The following CCL17 variants were observed in gnomAD, a reference collection of about 807,000 sequenced individuals.
CCL17 encodes C-C motif chemokine ligand 17, also known as C-C motif chemokine 17.
Under a neutral mutation model 7.4 loss-of-function variants are expected in CCL17, and 8 were observed. The ratio of observed to expected loss-of-function variants is 1.09; its 90% CI spans 0.64 to 1.96. The LOEUF (loss-of-function observed/expected upper bound fraction) is 1.96, where lower values mean the gene tolerates loss of function less well. Ranked by LOEUF, CCL17 falls within the 30% of genes most tolerant of loss-of-function variation. The probability of loss-of-function intolerance (pLI) is 0.00; values close to 1 mark genes in which losing one functional copy is unlikely to be tolerated. For missense variants in CCL17, 102 were observed against 113.0 expected (o/e 0.90, Z 0.44); for synonymous variants, 40 against 46.1 (o/e 0.87, Z 0.54).
At chr16:57,410,207 T>C (rs1356233285) in intron 1 of CCL17, among the ~76,000 whole-genome samples, 1 of 152,126 alleles carries the variant, frequency 6.6e-6, no homozygotes, top group Non-Finnish European at 1.5e-5. Flanking sequence ...GAGCCTGGGG[T>C]TGGGGCAGGA....
chr16:57,415,713 CTG>C lies in CCL17; in HGVS notation c.189-51_189-50del. 1.6e-6 allele frequency: 2 copies of C among 1,230,034 alleles called. No homozygotes were observed. The highest frequency in any genetic ancestry group is 2.4e-5 in the South Asian group (2 of 83,378). 76.2% of individuals were successfully genotyped at this position (1,230,034 alleles called of 1,614,324 possible). A position where few individuals can be genotyped will look rare whatever the true frequency, so the allele number is the denominator to read the frequency against. ...CACAGGGCGGGCCGTCCCAGGGACT[CTG>C]GGGGCCCTTCCCCCCCTGCCACTCC... On this transcript the variant is annotated intron_variant, in intron 3 of 3. Coordinates refer to ENST00000219244, the MANE Select transcript of CCL17 (RefSeq NM_002987.3). The surrounding 1 kb of genome is among the most constrained non-coding windows in gnomAD (Gnocchi z 4.5).
At chr16:57,410,918 G>A (rs1902774466) in intron 1 of CCL17, among the ~76,000 whole-genome samples, 1 of 152,226 alleles carries the variant, frequency 6.6e-6, no homozygotes, top group Admixed American at 6.5e-5. Context: ...CGCGGGGCAA[G>A]GTAGACACAG....
chr16:57,415,016 C>G lies in CCL17; in HGVS notation c.71-65C>G, dbSNP rs1902846206. 9.5e-7 allele frequency: 1 copy of G among 1,050,442 alleles called. No homozygotes were observed. The highest frequency in any genetic ancestry group is 1.6e-5 in the African/African-American group (1 of 63,868). 65.1% of individuals were successfully genotyped at this position (1,050,442 alleles called of 1,614,324 possible). A position where few individuals can be genotyped will look rare whatever the true frequency, so the allele number is the denominator to read the frequency against. On this transcript the variant is annotated intron_variant, in intron 2 of 3. Coordinates refer to ENST00000219244, the MANE Select transcript of CCL17 (RefSeq NM_002987.3). This position sits in a 1 kb window ranked among gnomAD's most constrained non-coding sequence, Gnocchi z 4.5. ...ATGCAGATCTTCCACGAACACCCCC[C>G]AGAGGTCCCCGCAACACACACGCAG...
At chr16:57,409,948 A>T (rs1224418157) in intron 1 of CCL17, among the ~76,000 whole-genome samples, 1 of 152,196 alleles carries the variant, frequency 6.6e-6, no homozygotes, top group Non-Finnish European at 1.5e-5. Context: ...ATGAGTAAAC[A>T]AATGCTCAAT....
upstream of CCL17, among the ~76,000 whole-genome samples, chr16:57,403,420 AT>A (rs1227654893): frequency 8.8e-4 from 15 of 17,106 alleles, 2 homozygotes; most frequent in African/African-American, 2.3e-3. Context: ...TATATATTAT[AT>A]TATAATATAT....
At chr16:57,411,822 C>T (rs776063746) in intron 1 of CCL17, among the ~76,000 whole-genome samples, 2 of 152,252 alleles carry the variant, frequency 1.3e-5, no homozygotes, top group African/African-American at 4.8e-5. Context: ...CCCTGCCCAG[C>T]GCGGCCTCCT....
intron 1 of CCL17, among the ~76,000 whole-genome samples, chr16:57,411,147 C>T (rs765825222): frequency 1.1e-4 from 16 of 152,302 alleles, no homozygotes; most frequent in Admixed American, 2.6e-4. Flanking sequence ...CAGCCTTCCA[C>T]GAATTCTGGC....
At chr16:57,400,601 G>A (rs1798939236), upstream of CCL17, among the ~76,000 whole-genome samples, 1 of 152,136 alleles carries the variant, frequency 6.6e-6, no homozygotes, top group South Asian at 2.1e-4. Flanking sequence ...AAAGAACAGT[G>A]TATGGGAGCA....
chr16:57,398,864 C>T, the CCL17 span, among the ~76,000 whole-genome samples: 13 of 152,154 alleles, frequency 8.5e-5, no homozygotes, highest in African/African-American at 2.4e-4. Context: ...GAGAAGTGGC[C>T]GAGATCTTGG....
At chr16:57,399,681 C>A in the CCL17 span, among the ~76,000 whole-genome samples, 1 of 152,264 alleles carries the variant, frequency 6.6e-6, no homozygotes, top group South Asian at 2.1e-4. Context: ...AACACCTGAC[C>A]TCAGGTGATC....
chr16:57,414,053 T>G, intron 2 of CCL17, 51 bp downstream of exon 2: 2 of 1,502,558 alleles, frequency 1.3e-6, no homozygotes, highest in South Asian at 1.2e-5. Flanking sequence ...GGACAGGGGT[T>G]GGGGGCATGA....
intron 1 of CCL17, among the ~76,000 whole-genome samples, chr16:57,405,899 G>A (rs552741252): frequency 1.2e-4 from 18 of 149,744 alleles, no homozygotes; most frequent in East Asian, 3.9e-4. Context: ...AAAATTAGCC[G>A]GGCATGGTGG....
chr16:57,401,939 C>T (rs1374255094), upstream of CCL17, among the ~76,000 whole-genome samples: 1 of 152,240 alleles, frequency 6.6e-6, no homozygotes, highest in Non-Finnish European at 1.5e-5. Context: ...CCAAGGAGCA[C>T]ATCCTTAATG....
chr16:57,397,877 C>T, the CCL17 span, among the ~76,000 whole-genome samples: 2 of 152,294 alleles, frequency 1.3e-5, no homozygotes, highest in South Asian at 4.2e-4. Context: ...TATGGCATAA[C>T]CTGCCCTTTG....
chr16:57,398,650 C>T, the CCL17 span, among the ~76,000 whole-genome samples: 1 of 152,230 alleles, frequency 6.6e-6, no homozygotes, highest in Non-Finnish European at 1.5e-5. Context: ...TCATTCTTTG[C>T]TGAGGGCCCT....
At chr16:57,414,899 C>A (rs1416345227) in intron 2 of CCL17, among the ~76,000 whole-genome samples, 182 bp from the exon 3 acceptor site, 2 of 152,038 alleles carry the variant, frequency 1.3e-5, no homozygotes, top group African/African-American at 4.8e-5. Context: ...CTCACACACA[C>A]CTGTGTATGG....
chr16:57,398,265 G>T, the CCL17 span, among the ~76,000 whole-genome samples: 1 of 152,300 alleles, frequency 6.6e-6, no homozygotes, highest in African/African-American at 2.4e-5. Flanking sequence ...CATAAACAGT[G>T]AGGCCAGCCT....
chr16:57,403,996 G>A (rs1354875190), upstream of CCL17, among the ~76,000 whole-genome samples: 1 of 152,032 alleles, frequency 6.6e-6, no homozygotes, highest in East Asian at 1.9e-4. Flanking sequence ...AGTCCTGCAG[G>A]TATCTGGGGA....
chr16:57,407,253 C>A (rs1405351683), intron 1 of CCL17, among the ~76,000 whole-genome samples: 10 of 152,000 alleles, frequency 6.6e-5, no homozygotes, highest in Non-Finnish European at 1.0e-4. Context: ...GGAAGGAGGC[C>A]CCTCTGGGAT....
Sources: gnomAD v4.1 joint callset for allele counts (sites outside exome capture counted in the v4.1 genomes callset) on GRCh38, gnomAD v4.1.1 for gene constraint, Gnocchi (gnomAD v3.1) non-coding constraint, MANE v1.5 for transcripts, NCBI Gene and HGNC (gene_info 2026-07-23, HGNC 2026-07-21) for gene names.